The following SLC26A5 variants were observed in gnomAD, a reference collection of about 807,000 sequenced individuals.
The protein encoded by SLC26A5 is prestin.
A neutral mutation model predicts 81.0 loss-of-function variants in SLC26A5; 51 were observed. That is an observed-to-expected ratio of 0.63 (90% CI 0.50 to 0.80). The LOEUF is 0.80. SLC26A5 is among the 30% of genes least tolerant of loss of function. SLC26A5 has a pLI of 0.00. For synonymous variants in SLC26A5, 325 were observed against 332.8 expected (o/e 0.98, Z 0.25); for missense variants, 771 against 905.8 (o/e 0.85, Z 1.91).
intron 8 of SLC26A5, among the ~76,000 whole-genome samples, chr7:103,400,069 C>A (rs1823465997): frequency 6.6e-6 from 1 of 151,736 alleles, no homozygotes; most frequent in African/African-American, 2.4e-5. Context: ...GATTTATAAT[C>A]CTTTGGGTAT....
intron 1 of SLC26A5, chr7:103,445,650 C>A (rs1260208468): frequency 6.6e-6 from 1 of 152,262 alleles, no homozygotes; most frequent in Non-Finnish European, 1.5e-5. Flanking sequence ...CCGGGCAAGC[C>A]CAGCCCGGCA....
chr7:103,367,382 G>T lies in SLC26A5; in HGVS notation c.2041+9426C>A. The T allele has an allele frequency of 6.2e-7, 1 of 1,608,858 alleles. No individual in the cohort carries two copies. Among genetic ancestry groups the T allele is most frequent in the Non-Finnish European group, 8.5e-7 (1 of 1,176,846 alleles). ...CATAGTGCTACTCTTGAGTGGACTT[G>T]AAGAGCTTATCTTTCCTTTTGTCTT... On this transcript the variant is annotated intron_variant, in intron 19 of 19. Transcript: ENST00000339444. The surrounding 1 kb of genome is among the most constrained non-coding windows in gnomAD (Gnocchi z 6.1).
intron 9 of SLC26A5, among the ~76,000 whole-genome samples, chr7:103,395,142 T>C (rs912695183): frequency 1.3e-5 from 2 of 152,172 alleles, no homozygotes; most frequent in East Asian, 3.9e-4. Flanking sequence ...ACTAAAGAAT[T>C]ATGAGCAAAT....
chr7:103,379,627 A>G (rs1328368574), intron 15 of SLC26A5, among the ~76,000 whole-genome samples: 1 of 152,194 alleles, frequency 6.6e-6, no homozygotes, highest in Non-Finnish European at 1.5e-5. Flanking sequence ...TATTTTTACC[A>G]TTAAACACAA....
At position 103,377,621 on chromosome 7, in the gene SLC26A5, A is replaced by T. The variant is rs1319367240; in HGVS notation, c.1964T>A (p.Val655Asp). ...TACCCCTGCCAGAGTTTTCACTCCA[A>T]CAGAATCAATAAAATTGACTTGAGT... ...DFTQVNFIDS[V>D]GVKTLAGIVK... The change falls in exon 18 of 20, where the codon GTT (valine) becomes GAT (aspartate). Residue 655 changes from valine to aspartate, a missense_variant. Physicochemically the swap from Val to Asp is radical, Grantham distance 152 (BLOSUM62 -3). Transcript: ENST00000306312. 6.2e-7 allele frequency: 1 copy of T among 1,614,156 alleles called. No individual in the cohort carries two copies.
intron 4 of SLC26A5, among the ~76,000 whole-genome samples, chr7:103,413,403 T>C (rs1824663805): frequency 6.6e-6 from 1 of 152,146 alleles, no homozygotes; most frequent in African/African-American, 2.4e-5. Flanking sequence ...GTGGTTGTCA[T>C]TGTAATTTGG....
At chr7:103,376,927 AC>A in intron 18 of SLC26A5, 65 bp from the exon 19 acceptor site, 1 of 1,140,104 alleles carries the variant, frequency 8.8e-7, no homozygotes, top group African/African-American at 1.5e-5. Flanking sequence ...GTCTCTTTTT[AC>A]CAATGTTTTT....
At chr7:103,365,709 C>T (rs969916436) in intron 19 of SLC26A5, among the ~76,000 whole-genome samples, 1 of 152,106 alleles carries the variant, frequency 6.6e-6, no homozygotes, top group Non-Finnish European at 1.5e-5. Context: ...ACGGGTGGAA[C>T]ATGAGGTCAG....
At chr7:103,408,938 A>T (rs1186492496) in intron 7 of SLC26A5, among the ~76,000 whole-genome samples, 2 of 152,208 alleles carry the variant, frequency 1.3e-5, no homozygotes, top group East Asian at 3.8e-4. Flanking sequence ...TTCCTTTGTG[A>T]CAAGGCATTT....
intron 8 of SLC26A5, among the ~76,000 whole-genome samples, chr7:103,405,252 G>A (rs944357677): frequency 6.6e-6 from 1 of 152,246 alleles, no homozygotes; most frequent in East Asian, 1.9e-4. Flanking sequence ...ATCCTTTGAA[G>A]GAGAAGAGGT....
At chr7:103,365,401 G>A (rs957070630) in intron 19 of SLC26A5, among the ~76,000 whole-genome samples, 1 of 151,860 alleles carries the variant, frequency 6.6e-6, no homozygotes, top group South Asian at 2.1e-4. Flanking sequence ...GGAGGCAGAG[G>A]CAGGCGGATC....
intron 2 of SLC26A5, among the ~76,000 whole-genome samples, chr7:103,427,319 T>C (rs1825774189): frequency 1.3e-5 from 2 of 151,994 alleles, no homozygotes; most frequent in African/African-American, 4.8e-5. Flanking sequence ...CTCAGGTGAT[T>C]TGCCCACCTT....
At chr7:103,359,172 A>ATTTTTTTTTTTTTTTT (rs1586155184) in intron 19 of SLC26A5, among the ~76,000 whole-genome samples, 9 of 58,386 alleles carry the variant, frequency 1.5e-4, no homozygotes, top group Non-Finnish European at 1.9e-4. Flanking sequence ...TTTTTTTTTA[A>ATTTTTTTTTTTTTTTT]TTTTTAGTAG....
At chr7:103,375,158 T>C (rs1821265237) in intron 19 of SLC26A5, among the ~76,000 whole-genome samples, 4 of 148,978 alleles carry the variant, frequency 2.7e-5, no homozygotes. Flanking sequence ...TATAGATTAA[T>C]GTTATATATA....
chr7:103,408,303 T>G (rs533266128), intron 7 of SLC26A5, among the ~76,000 whole-genome samples: 1 of 152,328 alleles, frequency 6.6e-6, no homozygotes, highest in African/African-American at 2.4e-5. Flanking sequence ...CTTGGCTCAC[T>G]GCAACCTCTG....
chr7:103,422,632 T>TG (rs1272782755), intron 2 of SLC26A5, among the ~76,000 whole-genome samples: 2 of 152,192 alleles, frequency 1.3e-5, no homozygotes, highest in Admixed American at 6.5e-5. Flanking sequence ...TAACTGTATC[T>TG]GCAATGTTTT....
At chr7:103,364,151 G>T (rs1174917757) in intron 19 of SLC26A5, 6 of 1,613,882 alleles carry the variant, frequency 3.7e-6, no homozygotes, top group Non-Finnish European at 5.1e-6. Context: ...AGCCAGAGAG[G>T]TTTGTGAACC....
At chr7:103,359,575 G>T (rs1563489887) in intron 19 of SLC26A5, among the ~76,000 whole-genome samples, 1 of 152,060 alleles carries the variant, frequency 6.6e-6, no homozygotes, top group Non-Finnish European at 1.5e-5. Flanking sequence ...TCATCTAAAT[G>T]GAATCATATA....
At chr7:103,415,908 C>G (rs1824866937) in intron 4 of SLC26A5, among the ~76,000 whole-genome samples, 1 of 152,116 alleles carries the variant, frequency 6.6e-6, no homozygotes, top group African/African-American at 2.4e-5. Context: ...TTCTGGAAGT[C>G]CTATTAGATG....
Sources: gnomAD v4.1 joint callset for allele counts (sites outside exome capture counted in the v4.1 genomes callset) on GRCh38, gnomAD v4.1.1 for gene constraint, Gnocchi (gnomAD v3.1) non-coding constraint, MANE v1.5 for transcripts, NCBI Gene and HGNC (gene_info 2026-07-23, HGNC 2026-07-21) for gene names.